ZNF814: variants seen among roughly 807,000 people sequenced by gnomAD.
The protein encoded by ZNF814 is zinc finger protein 814.
Under a neutral mutation model 7.5 loss-of-function variants are expected in ZNF814, and 5 were observed. The ratio of observed to expected loss-of-function variants is 0.67; its 90% confidence interval spans 0.35 to 1.40. The LOEUF (loss-of-function observed/expected upper bound fraction) is 1.40. Ranked by LOEUF, ZNF814 falls within the 40% of genes most tolerant of loss-of-function variation. ZNF814 has a pLI of 0.04. For synonymous variants in ZNF814, 315 were observed against 340.7 expected, an observed-to-expected ratio of 0.92 and a Z score of 0.83; for missense variants, 962 against 1,018.0, an observed-to-expected ratio of 0.94 and a Z score of 0.75.
At chr19:57,903,919 T>A in the ZNF814 span, among the ~76,000 whole-genome samples, 1 of 152,162 alleles carries the variant, frequency 6.6e-6, no homozygotes, top group Admixed American at 6.5e-5. Context: ...TCTTGGAACA[T>A]GTCCTGGGTC....
In ZNF814 at chr19:57,875,100, C is replaced by T. The variant is rs913158275; in HGVS notation, c.290G>A (p.Cys97Tyr). 6.4e-7 allele frequency: 1 copy of T among 1,570,138 alleles called. No homozygotes were observed. The highest frequency in any genetic ancestry group is 1.4e-5 in the African/African-American group (1 of 73,884). The change falls in exon 3 of 3, where the codon TGT becomes TAT. Residue 97 changes from cysteine to tyrosine, a missense_variant. By Grantham distance (194) the Cys-to-Tyr change is radical. Coordinates refer to ENST00000435989, the MANE Select transcript of ZNF814 (RefSeq NM_001144989.2). ...SPKKAHPCEM[C>Y]GPILGDILHV... ...CAAAATGTCTCCCAAGATCGGGCCA[C>T]ACATCTCACAGGGGTGGGCCTTCTT...
At chr19:57,877,281 A>G (rs998791201) in intron 1 of ZNF814, among the ~76,000 whole-genome samples, 7 of 152,122 alleles carry the variant, frequency 4.6e-5, no homozygotes, top group East Asian at 1.9e-4. Flanking sequence ...TAGTATGGCC[A>G]AGGTCATGGA....
At chr19:57,885,856 CTAGTA>C (rs1351014605) in intron 1 of ZNF814, 2 of 150,412 alleles carry the variant, frequency 1.3e-5, no homozygotes, top group Non-Finnish European at 3.0e-5. Flanking sequence ...TACATTAACC[CTAGTA>C]TGATTATTAC....
chr19:57,878,166 C>CAAAAAAAAAAAAAAAAAAAAAAAAAAA (rs60614715), intron 1 of ZNF814, among the ~76,000 whole-genome samples: 1 of 88,438 alleles, frequency 1.1e-5, no homozygotes, highest in Non-Finnish European at 2.2e-5. Flanking sequence ...AACTCTGTCT[C>CAAAAAAAAAAAAAAAAAAAAAAAAAAA]AAAAAAAAAA....
At chr19:57,888,334 A>G (rs2071710102) in intron 1 of ZNF814, among the ~76,000 whole-genome samples, 1 of 152,166 alleles carries the variant, frequency 6.6e-6, no homozygotes, top group South Asian at 2.1e-4. Flanking sequence ...GTTGACTCAA[A>G]TATCACCTGA....
chr19:57,892,235 G>GT (rs1231496041), upstream of ZNF814, among the ~76,000 whole-genome samples: 3 of 152,190 alleles, frequency 2.0e-5, no homozygotes, highest in African/African-American at 7.2e-5. Context: ...TACAGAGTTT[G>GT]ACTCTTTTCA....
chr19:57,875,161 T>C lies in ZNF814; in HGVS notation c.229A>G (p.Thr77Ala). 1 of 1,540,036 alleles carries C rather than the reference T, an allele frequency of 6.5e-7. No individual in the cohort carries two copies. The highest frequency in any genetic ancestry group is 8.8e-7 in the Non-Finnish European group (1 of 1,142,706). Residue 77 changes from threonine (T) to alanine (A), a missense_variant, in exon 3 of 3, where the codon ACT becomes GCT. Physicochemically the swap from Thr to Ala is moderately conservative, Grantham distance 58. Transcript: ENST00000435989. ...CCTGCCATAGGAGTCCTGACCTGAG[T>C]CTCTCTTTGTATATAAATACTCTGC... ...SKQSIYIQRETQVRTPMAGVS... is the reference protein window; with the variant it reads ...SKQSIYIQREAQVRTPMAGVS...
chr19:57,892,829 T>C (rs750980314), upstream of ZNF814, among the ~76,000 whole-genome samples: 2 of 152,216 alleles, frequency 1.3e-5, no homozygotes, highest in Non-Finnish European at 2.9e-5. Flanking sequence ...TCCTTTCCCT[T>C]TCTTATCTTT....
At chr19:57,904,089 G>A in the ZNF814 span, among the ~76,000 whole-genome samples, 2 of 152,164 alleles carry the variant, frequency 1.3e-5, no homozygotes, top group African/African-American at 4.8e-5. Context: ...AGCCTTTGGA[G>A]TGTGTCCAGA....
chr19:57,880,555 G>A (rs564862726), intron 1 of ZNF814, among the ~76,000 whole-genome samples: 64 of 149,568 alleles, frequency 4.3e-4, no homozygotes, highest in Non-Finnish European at 7.1e-4. Flanking sequence ...CAACAGAGCA[G>A]GATGGCGGAA....
At chr19:57,878,142 G>A (rs1351552372) in intron 1 of ZNF814, among the ~76,000 whole-genome samples, 2 of 145,050 alleles carry the variant, frequency 1.4e-5, no homozygotes, top group East Asian at 4.0e-4. Context: ...CTCTAGCCTG[G>A]GCAACAAGAG....
At chr19:57,882,862 C>T (rs80217820) in intron 1 of ZNF814, among the ~76,000 whole-genome samples, 2 of 151,940 alleles carry the variant, frequency 1.3e-5, no homozygotes, top group African/African-American at 2.4e-5. Flanking sequence ...TGATGAACAT[C>T]TACAAGCATC....
intron 1 of ZNF814, among the ~76,000 whole-genome samples, chr19:57,885,032 A>T (rs1202192204): frequency 1.3e-5 from 2 of 152,166 alleles, no homozygotes; most frequent in Non-Finnish European, 2.9e-5. Context: ...ATGGATAAAG[A>T]AAATGTAGGC....
Position 57,874,162 on chromosome 19 carries a change from A to G in ZNF814, c.1228T>C (p.Cys410Arg). 3 of 1,591,486 alleles carry G rather than the reference A, an allele frequency of 1.9e-6. No homozygotes were observed. Among genetic ancestry groups the G allele is most frequent in the Non-Finnish European group, 2.6e-6 (3 of 1,168,754 alleles). The change falls in exon 3 of 3, where the codon TGT becomes CGT. Residue 410 changes from cysteine to arginine, a missense_variant. By Grantham distance (180) the Cys-to-Arg change is radical (BLOSUM62 -3). Coordinates refer to ENST00000435989, the MANE Select transcript of ZNF814 (RefSeq NM_001144989.2). ...CTAAAGGATTTCCCACATTCTCCAC[A>G]TTCATAATGTTTTTTGTCAGTGTGA... Reference protein sequence around the residue: ...RVHTDKKHYECGECGKSFSQK... With the variant: ...RVHTDKKHYERGECGKSFSQK...
chr19:57,902,563 G>T, the ZNF814 span, among the ~76,000 whole-genome samples: 1 of 146,788 alleles, frequency 6.8e-6, no homozygotes, highest in Non-Finnish European at 1.5e-5. Flanking sequence ...GGGGAGGGAG[G>T]TAAATATAAA....
At chr19:57,904,571 C>T in the ZNF814 span, among the ~76,000 whole-genome samples, 2 of 152,222 alleles carry the variant, frequency 1.3e-5, no homozygotes, top group Non-Finnish European at 2.9e-5. Flanking sequence ...GTCCCTGGGA[C>T]AGCAGGGACC....
chr19:57,893,688 G>A (rs1446460928), upstream of ZNF814, among the ~76,000 whole-genome samples: 1 of 151,578 alleles, frequency 6.6e-6, no homozygotes, highest in Non-Finnish European at 1.5e-5. Flanking sequence ...GGAGGCCGAG[G>A]TGGGCAGATC....
At chr19:57,893,867 C>T (rs1294214144), upstream of ZNF814, among the ~76,000 whole-genome samples, 2 of 150,858 alleles carry the variant, frequency 1.3e-5, no homozygotes, top group Non-Finnish European at 2.9e-5. Flanking sequence ...TTGTAGTGAG[C>T]TGAGATTGCA....
In ZNF814 at chr19:57,871,802, TAA is replaced by T. The variant is rs1206761553; in HGVS notation, c.*1018_*1019del. On this transcript the variant is annotated 3_prime_UTR_variant, in exon 3 of 3. Coordinates refer to ENST00000435989, the MANE Select transcript of ZNF814 (RefSeq NM_001144989.2). ...ATCCTTCTGTGACTCGATCAGAAAT[TAA>T]AAGTTAAAAAAAAAAAAAAAAAAGG... 3 of 102,466 alleles carry T rather than the reference TAA, an allele frequency of 2.9e-5. No individual in the cohort carries two copies. In the Admixed American group the frequency reaches 3.4e-4, roughly 12 times the overall value. 6.3% of individuals were successfully genotyped at this position (102,466 alleles called of 1,614,324 possible).
Sources: allele counts gnomAD v4.1 joint callset (sites outside exome capture counted in the v4.1 genomes callset), GRCh38; gene constraint gnomAD v4.1.1; transcripts MANE v1.5; gene names NCBI Gene and HGNC (gene_info 2026-07-23, HGNC 2026-07-21).